The following R3HDM2 variants were observed in gnomAD, a reference collection of about 807,000 sequenced individuals.
The protein encoded by R3HDM2 is R3H domain containing 2.
In R3HDM2, 38 loss-of-function variants were observed where a neutral mutation model predicts 124.5. That is an observed-to-expected ratio of 0.31 (90% CI 0.24 to 0.40). R3HDM2 has a LOEUF of 0.40. Among genes scored for constraint, R3HDM2 ranks in the 10% least tolerant of loss-of-function variants. R3HDM2 has a pLI of 1.00. For missense variants in R3HDM2, 869 were observed against 1,236.9 expected, an observed-to-expected ratio of 0.70 and a Z score of 4.46; for synonymous variants, 391 against 448.0, an observed-to-expected ratio of 0.87 and a Z score of 1.61.
At chr12:57,386,155 G>GCTCGCAGCC (rs71084750) in intron 2 of R3HDM2, among the ~76,000 whole-genome samples, 52,219 of 147,436 alleles carry the variant, frequency 0.35, 9,252 homozygotes, top group East Asian at 0.45. Context: ...TGCTGGCAGC[G>GCTCGCAGCC]CTCGCAGCCC....
At chr12:57,395,907 C>T in intron 1 of R3HDM2, 89 bp from the exon 2 acceptor site, 1 of 482,654 alleles carries the variant, frequency 2.1e-6, no homozygotes, top group Non-Finnish European at 2.7e-6. Context: ...ACAGCAGCAC[C>T]TGTTAATATC....
rs748261294 is a variant in R3HDM2 at position 57,259,057 on chromosome 12, C to T, written c.2134G>A (p.Val712Met). 1 of 1,608,694 alleles carries T rather than the reference C, an allele frequency of 6.2e-7. No individual in the cohort carries two copies. The highest frequency in any genetic ancestry group is 8.5e-7 in the Non-Finnish European group (1 of 1,178,074). The change falls in exon 20 of 24, where the codon GTG (valine) becomes ATG (methionine). Residue 712 changes from valine to methionine, a missense_variant and splice_region_variant. Val to Met is a conservative substitution (Grantham distance 21). Transcript: ENST00000402412. ...PPQMPQQYSG[V>M]SPSGPGVVVM... ...ACTACACCTGGTCCAGAAGGTGACA[C>T]TCCTGAAGGGCAGGAAGAAAGCAGT... is the stretch of plus-strand genomic sequence containing the variant.
chr12:57,415,486 G>A (rs1457862373), intron 1 of R3HDM2: 2 of 151,896 alleles, frequency 1.3e-5, no homozygotes, highest in African/African-American at 4.8e-5. Context: ...AGGTTGTGGA[G>A]GAAAAGAGAC....
At chr12:57,349,868 G>A (rs1441040332) in intron 2 of R3HDM2, among the ~76,000 whole-genome samples, 1 of 151,098 alleles carries the variant, frequency 6.6e-6, no homozygotes, top group Admixed American at 6.6e-5. Context: ...CCAGTACATG[G>A]TTTTAATGTT....
rs563778374 is a variant in R3HDM2 at position 57,262,072 on chromosome 12, T to C, written c.2132-3013A>G. ...TTAAATCACTGAGGTAGAAGACTGA[T>C]AGGCTTCTTACCACCAGAAATCACA... On this transcript the variant is annotated intron_variant, in intron 19 of 23. Coordinates refer to ENST00000402412, the MANE Select transcript of R3HDM2 (RefSeq NM_001394031.1). Among the ~76,000 whole-genome samples the C allele has an allele frequency of 4.5e-4, 69 of 152,328 alleles. No individual in the cohort carries two copies. The South Asian group carries it at 5.2e-3, about 11-fold the overall frequency.
At chr12:57,396,865 G>A (rs2067591960) in intron 1 of R3HDM2, among the ~76,000 whole-genome samples, 1 of 152,064 alleles carries the variant, frequency 6.6e-6, no homozygotes, top group Non-Finnish European at 1.5e-5. Context: ...GCCAAAGCAG[G>A]TGGATCACCT....
chr12:57,354,371 T>C (rs988637968), intron 2 of R3HDM2, among the ~76,000 whole-genome samples: 5 of 151,976 alleles, frequency 3.3e-5, no homozygotes, highest in Admixed American at 2.0e-4. Flanking sequence ...TCAGTTCATG[T>C]AACCTCTGGC....
chr12:57,303,319 A>G, intron 3 of R3HDM2, 102 bp from the exon 4 acceptor site: 1 of 1,060,700 alleles, frequency 9.4e-7, no homozygotes, highest in Non-Finnish European at 1.4e-6. Context: ...TGTAAAAACC[A>G]TTACAACAGC....
chr12:57,266,921 A>G lies in R3HDM2; in HGVS notation c.2031-90T>C, dbSNP rs1037609534. On this transcript the variant is annotated intron_variant, in intron 18 of 23. Transcript: ENST00000402412. ...AGCTGCTGCTTCCTGGTCCTCCCCT[A>G]TGGGAAGGAGAGGCAACTTCAAGCC... is the stretch of plus-strand genomic sequence containing the variant. 4.2e-6 allele frequency: 4 copies of G among 958,338 alleles called. No individual in the cohort carries two copies. In the African/African-American group the frequency reaches 5.0e-5, roughly 12 times the overall value. The allele number at this position is 958,338 out of a possible 1,614,324, so 59.4% of individuals were successfully genotyped here.
At chr12:57,423,666 G>A (rs780719835) in intron 1 of R3HDM2, among the ~76,000 whole-genome samples, 8 of 151,028 alleles carry the variant, frequency 5.3e-5, no homozygotes, top group Non-Finnish European at 1.2e-4. Flanking sequence ...ACAAAAATTA[G>A]CCAGACGTGG....
At chr12:57,341,907 T>C (rs2059603342) in intron 2 of R3HDM2, among the ~76,000 whole-genome samples, 1 of 152,144 alleles carries the variant, frequency 6.6e-6, no homozygotes, top group Non-Finnish European at 1.5e-5. Flanking sequence ...TTGCTTGAAA[T>C]AGTCATGGAA....
chr12:57,320,030 C>T (rs975498024), intron 2 of R3HDM2, among the ~76,000 whole-genome samples: 6 of 151,848 alleles, frequency 4.0e-5, no homozygotes, highest in Non-Finnish European at 5.9e-5. Flanking sequence ...CTTTGGGAGG[C>T]GGGCGGATCA....
chr12:57,291,571 T>C lies in R3HDM2; in HGVS notation c.906+1001A>G, dbSNP rs2048603134. On this transcript the variant is annotated intron_variant, in intron 11 of 23. Transcript: ENST00000402412. ...CGGGAGGCTGAGGCAAGAGGATCGT[T>C]TGAGCCCAGGAAGTTGAAGCTGCAG... is the stretch of plus-strand genomic sequence containing the variant. Among the ~76,000 whole-genome samples the C allele has an allele frequency of 2.0e-5, 3 of 151,738 alleles. No individual in the cohort carries two copies. The South Asian group carries it at 6.2e-4, about 32-fold the overall frequency.
intron 13 of R3HDM2, among the ~76,000 whole-genome samples, chr12:57,281,870 G>A (rs567849419): frequency 4.6e-5 from 7 of 152,256 alleles, no homozygotes; most frequent in East Asian, 1.9e-4. Context: ...CAGTGATATC[G>A]ACAAAGTTGC....
At chr12:57,259,352 G>A (rs543268507) in intron 19 of R3HDM2, among the ~76,000 whole-genome samples, 1 of 152,326 alleles carries the variant, frequency 6.6e-6, no homozygotes, top group Admixed American at 6.5e-5. Flanking sequence ...TTCTGTCAAC[G>A]CTGGCTATAA....
rs2067023497 is a variant in R3HDM2 at position 57,393,388 on chromosome 12, C to T, written c.-36+2361G>A. Among the ~76,000 whole-genome samples, 3 of 152,168 alleles carry T rather than the reference C, an allele frequency of 2.0e-5. No individual in the cohort carries two copies. In the South Asian group the frequency reaches 6.2e-4, roughly 31 times the overall value. Reference sequence around the variant, plus strand: ...CAAGTGCTGGGATTACAGGCATAAGCCAGGACACCCAGCCTATAGTACACT... The same window carrying T: ...CAAGTGCTGGGATTACAGGCATAAGTCAGGACACCCAGCCTATAGTACACT... On this transcript the variant is annotated intron_variant, in intron 2 of 23. Transcript: ENST00000402412.
At chr12:57,374,057 G>C (rs1422616279) in intron 2 of R3HDM2, among the ~76,000 whole-genome samples, 1 of 151,972 alleles carries the variant, frequency 6.6e-6, no homozygotes, top group Non-Finnish European at 1.5e-5. Flanking sequence ...GAACCCAGGA[G>C]ACAGAGGTTG....
chr12:57,298,040 A>C, intron 7 of R3HDM2, 50 bp downstream of exon 7: 5 of 1,380,414 alleles, frequency 3.6e-6, no homozygotes, highest in East Asian at 2.5e-5. Flanking sequence ...GCCTCTTGGA[A>C]TCTTGCTATC....
At chr12:57,372,768 C>T (rs1000637660) in intron 2 of R3HDM2, among the ~76,000 whole-genome samples, 6 of 152,202 alleles carry the variant, frequency 3.9e-5, no homozygotes, top group Admixed American at 6.5e-5. Context: ...TGAGATAGCA[C>T]TCAATATTTT....
Sources: gnomAD v4.1 joint callset for allele counts (sites outside exome capture counted in the v4.1 genomes callset) on GRCh38, gnomAD v4.1.1 for gene constraint, MANE v1.5 for transcripts, NCBI Gene and HGNC (gene_info 2026-07-23, HGNC 2026-07-21) for gene names.